Variants in CFB observed in about 807,000 individuals in gnomAD.
CFB encodes B-factor, properdin.
A neutral mutation model predicts 97.2 loss-of-function variants in CFB; 59 were observed. The observed-to-expected ratio is 0.61, with a 90% CI of 0.49 to 0.75. CFB has a LOEUF of 0.75. Among genes scored for constraint, CFB ranks in the 30% least tolerant of loss-of-function variants. The pLI, the probability that CFB is intolerant of heterozygous loss-of-function variation, is 0.00. For synonymous variants in CFB, 316 were observed against 351.7 expected (o/e 0.90, Z 1.14); for missense variants, 771 against 959.8 (o/e 0.80, Z 2.60).
chr6:31,952,029 A>G lies in CFB; in HGVS notation c.2294A>G (p.Ter765=). 1 of 1,612,794 alleles carries G rather than the reference A, an allele frequency of 6.2e-7. No individual in the cohort carries two copies. The highest frequency in any genetic ancestry group is 1.1e-5 in the South Asian group (1 of 91,082). ...KLQDEDLGFL[*] is the part of the protein sequence containing the mutation. Reference sequence around the variant, plus strand: ...CAAGATGAGGATTTGGGTTTTCTATAAGGGGTTTCCTGCTGGACAGGGGCG... The same window carrying G: ...CAAGATGAGGATTTGGGTTTTCTATGAGGGGTTTCCTGCTGGACAGGGGCG... The change falls in exon 18 of 18, where the codon TAA becomes TGA. Residue 765 remains the stop codon, a stop_retained_variant. Transcript: ENST00000425368.
At chr6:31,948,144 C>A in intron 6 of CFB, 63 bp downstream of exon 6, 1 of 1,596,052 alleles carries the variant, frequency 6.3e-7, no homozygotes, top group Non-Finnish European at 8.5e-7. Context: ...AGGACTAGCT[C>A]CCTGATCATT....
In CFB at chr6:31,947,838, G is replaced by A. The variant is rs145082719; in HGVS notation, c.755G>A (p.Gly252Asp). 1.9e-6 allele frequency: 3 copies of A among 1,613,924 alleles called. No homozygotes were observed. In the South Asian group the frequency reaches 3.3e-5, roughly 18 times the overall value. Residue 252 changes from glycine to aspartate, a missense_variant, in exon 5 of 18, where the codon GGC (glycine) becomes GAC (aspartate). By Grantham distance (94) the Gly-to-Asp change is moderately conservative. Coordinates refer to ENST00000425368, the MANE Select transcript of CFB (RefSeq NM_001710.6). This position sits in a 1 kb window ranked among gnomAD's most constrained non-coding sequence, Gnocchi z 5.3. ...IEGVDAEDGH[G>D]PGEQQKRKIV... ...GGAGTCGATGCTGAGGATGGGCACGGCCCAGGTTTGAAGACAGAGAAGGGA... is the reference window on the plus strand; with the variant it reads ...GGAGTCGATGCTGAGGATGGGCACGACCCAGGTTTGAAGACAGAGAAGGGA...
At chr6:31,950,263 CCT>C in intron 11 of CFB, 21 bp from the exon 12 acceptor site, 1 of 1,609,380 alleles carries the variant, frequency 6.2e-7, no homozygotes, top group Non-Finnish European at 8.5e-7. Context: ...TTGAGCTTTC[CCT>C]CTCTACTGTT....
intron 14 of CFB, 38 bp downstream of exon 14, chr6:31,950,982 CAA>C: frequency 5.6e-6 from 9 of 1,607,348 alleles, no homozygotes; most frequent in Non-Finnish European, 7.7e-6. Flanking sequence ...GATGAGATCC[CAA>C]GAGACAAGTG....
At position 31,951,934 on chromosome 6, in the gene CFB, G is replaced by C. The variant is rs749935243; in HGVS notation, c.2199G>C (p.Gln733His). The stretch of plus-strand genomic sequence containing the variant: ...GCAAAAACCAGAAGCGGCAAAAGCA[G>C]GTACCTGCTCACGCCCGAGACTTTC... ...DVCKNQKRQK[Q>H]VPAHARDFHI... is the part of the protein sequence containing the mutation. Residue 733 changes from glutamine to histidine, a missense_variant, in exon 18 of 18, where the codon CAG becomes CAC. Gln to His is a conservative substitution (Grantham distance 24, BLOSUM62 0). Coordinates refer to ENST00000425368, the MANE Select transcript of CFB (RefSeq NM_001710.6). The surrounding 1 kb of genome is among the most constrained non-coding windows in gnomAD (Gnocchi z 4.3). 6.2e-7 allele frequency: 1 copy of C among 1,613,148 alleles called. No homozygotes were observed. Among genetic ancestry groups the C allele is most frequent in the African/African-American group, 1.3e-5 (1 of 75,060 alleles).
At chr6:31,948,589 T>C (rs1739155709) in intron 7 of CFB, 77 bp downstream of exon 7, 10 of 1,599,728 alleles carry the variant, frequency 6.3e-6, no homozygotes, top group Non-Finnish European at 8.5e-6. Flanking sequence ...GAGACTACCT[T>C]GAGGGCGACA....
chr6:31,949,484 G>A lies in CFB; in HGVS notation c.1335G>A (p.Lys445=), dbSNP rs1771624557. The change falls in exon 10 of 18, where the codon AAG becomes AAA. Residue 445 remains lysine, a synonymous_variant. Transcript: ENST00000425368. Reference sequence around the variant, plus strand: ...TGAACATCAATGCTTTGGCTTCCAAGAAAGACAATGAGCAACATGTGTTCA... The same window carrying A: ...TGAACATCAATGCTTTGGCTTCCAAAAAAGACAATGAGCAACATGTGTTCA... ...NQVNINALAS[K]KDNEQHVFKV... is the part of the protein sequence containing the mutation. 6.2e-7 allele frequency: 1 copy of A among 1,614,060 alleles called. No individual in the cohort carries two copies. The highest frequency in any genetic ancestry group is 8.5e-7 in the Non-Finnish European group (1 of 1,180,058).
chr6:31,947,487 T>C lies in CFB; in HGVS notation c.624T>C (p.Gly208=). Residue 208 remains glycine (G), a synonymous_variant, in exon 4 of 18, where the codon GGT becomes GGC. Coordinates refer to ENST00000425368, the MANE Select transcript of CFB (RefSeq NM_001710.6). The surrounding 1 kb of genome is among the most constrained non-coding windows in gnomAD (Gnocchi z 5.3). ...CCCAGCGGCGAACGTGTCAGGAAGG[T>C]GGCTCTTGGAGCGGGACGGAGCCTT... is the stretch of plus-strand genomic sequence containing the variant. ...RGSQRRTCQE[G]GSWSGTEPSC... 1 of 1,612,988 alleles carries C rather than the reference T, an allele frequency of 6.2e-7. No homozygotes were observed. The highest frequency in any genetic ancestry group is 2.2e-5 in the East Asian group (1 of 44,874).
chr6:31,946,988 T>A lies in CFB; in HGVS notation c.299-19T>A. 1 of 1,612,826 alleles carries A rather than the reference T, an allele frequency of 6.2e-7. No individual in the cohort carries two copies. Among genetic ancestry groups the A allele is most frequent in the Non-Finnish European group, 8.5e-7 (1 of 1,179,922 alleles). On this transcript the variant is annotated intron_variant, in intron 2 of 17. Coordinates refer to ENST00000425368, the MANE Select transcript of CFB (RefSeq NM_001710.6). This position sits in a 1 kb window ranked among gnomAD's most constrained non-coding sequence, Gnocchi z 6.4. ...GCCTTTCCCTCTTGATGACTTCTAC[T>A]TGTCCCCCCTTCTCAAAGCAATCCA...
At position 31,948,359 on chromosome 6, in the gene CFB, TCTC is replaced by T. The variant is rs749414878; in HGVS notation, c.898-11_898-9del. The T allele has an allele frequency of 5.0e-6, 8 of 1,614,076 alleles. No homozygotes were observed. Among genetic ancestry groups the T allele is most frequent in the Non-Finnish European group, 6.8e-6 (8 of 1,180,038 alleles). ...TATTTTCAATGCCATGGCGCCTTGT[TCTC>T]CTCACCCACAGGTGGCAAGTTATGG... On this transcript the variant is annotated splice_polypyrimidine_tract_variant and intron_variant, in intron 6 of 17. Coordinates refer to ENST00000425368, the MANE Select transcript of CFB (RefSeq NM_001710.6).
intron 10 of CFB, 122 bp downstream of exon 10, chr6:31,949,679 C>T: frequency 8.5e-7 from 1 of 1,183,362 alleles, no homozygotes; most frequent in Non-Finnish European, 1.2e-6. Context: ...TCCTTCTCTA[C>T]CTCAGTGTCA....
In CFB at chr6:31,946,864, T is replaced by C. The variant is rs1017895166; in HGVS notation, c.299-143T>C. The C allele has an allele frequency of 9.1e-6, 8 of 875,544 alleles. No homozygotes were observed. Among genetic ancestry groups the C allele is most frequent in the Non-Finnish European group, 1.5e-5 (8 of 538,244 alleles). 54.2% of individuals were successfully genotyped at this position (875,544 alleles called of 1,614,324 possible). ...GAGGGAGAAGCAGTGGAAATCCATATGGGTTGAGGAGTAGGTAAGATGCTG... is the reference window on the plus strand; with the variant it reads ...GAGGGAGAAGCAGTGGAAATCCATACGGGTTGAGGAGTAGGTAAGATGCTG... On this transcript the variant is annotated intron_variant, in intron 2 of 17. Transcript: ENST00000425368. The surrounding 1 kb of genome is among the most constrained non-coding windows in gnomAD (Gnocchi z 6.4).
chr6:31,950,366 T>A lies in CFB; in HGVS notation c.1587T>A (p.Thr529=), dbSNP rs1232078667. Residue 529 remains threonine (T), a synonymous_variant, in exon 12 of 18, where the codon ACT becomes ACA. Coordinates refer to ENST00000425368, the MANE Select transcript of CFB (RefSeq NM_001710.6). ...TGCTGACAGCAGCACATTGTTTCACTGTGGATGACAAGGAACACTCAATCA... is the reference window on the plus strand; with the variant it reads ...TGCTGACAGCAGCACATTGTTTCACAGTGGATGACAAGGAACACTCAATCA... ...YFVLTAAHCF[T]VDDKEHSIKV... 1 of 1,612,972 alleles carries A rather than the reference T, an allele frequency of 6.2e-7. No individual in the cohort carries two copies. Among genetic ancestry groups the A allele is most frequent in the African/African-American group, 1.3e-5 (1 of 74,922 alleles).
Position 31,950,089 on chromosome 6 carries a change from A to T in CFB, c.1448A>T (p.Glu483Val). 1.9e-6 allele frequency: 3 copies of T among 1,613,044 alleles called. No individual in the cohort carries two copies. The South Asian group carries it at 3.3e-5, about 18-fold the overall frequency. The change falls in exon 11 of 18, where the codon GAA (glutamate) becomes GTA (valine). Residue 483 changes from glutamate to valine, a missense_variant. Physicochemically the swap from Glu to Val is moderately radical, Grantham distance 121 (BLOSUM62 -2). Transcript: ENST00000425368. Reference sequence around the variant, plus strand: ...CTGAGTCTCTGTGGCATGGTTTGGGAACACAGGAAGGGTACCGATTACCAC... The same window carrying T: ...CTGAGTCTCTGTGGCATGGTTTGGGTACACAGGAAGGGTACCGATTACCAC... ...QSLSLCGMVW[E>V]HRKGTDYHKQ...
Position 31,951,311 on chromosome 6 carries a change from AC to A in CFB, c.1957-29del. On this transcript the variant is annotated intron_variant, in intron 15 of 17. Coordinates refer to ENST00000425368, the MANE Select transcript of CFB (RefSeq NM_001710.6). This position sits in a 1 kb window ranked among gnomAD's most constrained non-coding sequence, Gnocchi z 4.3. ...CCTTCCTAAGCCACTTCTGTTCATT[AC>A]TTCTCCATGCTTCCCACCTCCCCTA... The A allele has an allele frequency of 6.2e-7, 1 of 1,614,004 alleles. No homozygotes were observed. The highest frequency in any genetic ancestry group is 8.5e-7 in the Non-Finnish European group (1 of 1,180,020).
chr6:31,948,494 A>C lies in CFB; in HGVS notation c.1018A>C (p.Asn340His), dbSNP rs1255395158. The change falls in exon 7 of 18, where the codon AAT becomes CAT. Residue 340 changes from asparagine (N) to histidine (H), a missense_variant. Transcript: ENST00000425368. ...SNADWVTKQL[N>H]EINYEDHKLK... The stretch of plus-strand genomic sequence containing the variant: ...TGCAGACTGGGTCACGAAGCAGCTC[A>C]ATGAAATCAATTATGAAGGTCAGAG... The C allele has an allele frequency of 9.3e-6, 15 of 1,614,004 alleles. No homozygotes were observed. Among genetic ancestry groups the C allele is most frequent in the Non-Finnish European group, 1.3e-5 (15 of 1,179,980 alleles).
At chr6:31,949,665 T>C in intron 10 of CFB, 108 bp downstream of exon 10, 1 of 1,325,782 alleles carries the variant, frequency 7.5e-7, no homozygotes, top group Non-Finnish European at 1.1e-6. Context: ...GCCTTCTTCA[T>C]TCCTCCTTCT....
chr6:31,947,731 G>T lies in CFB; in HGVS notation c.659-11G>T, dbSNP rs565844467. ...CTCCCAGACATTTGACCTCATTTCTGACTCTCCCAGACTCCTTCATGTACG... is the reference window on the plus strand; with the variant it reads ...CTCCCAGACATTTGACCTCATTTCTTACTCTCCCAGACTCCTTCATGTACG... On this transcript the variant is annotated splice_polypyrimidine_tract_variant and intron_variant, in intron 4 of 17. Coordinates refer to ENST00000425368, the MANE Select transcript of CFB (RefSeq NM_001710.6). The surrounding 1 kb of genome is among the most constrained non-coding windows in gnomAD (Gnocchi z 5.3). The T allele has an allele frequency of 4.2e-5, 68 of 1,612,730 alleles. 1 individual carries two copies. The East Asian group carries it at 9.1e-4, about 22-fold the overall frequency.
chr6:31,948,502 C>A lies in CFB; in HGVS notation c.1026C>A (p.Ile342=). Residue 342 remains isoleucine (I), a synonymous_variant, in exon 7 of 18, where the codon ATC becomes ATA. Transcript: ENST00000425368. ...GGGTCACGAAGCAGCTCAATGAAAT[C>A]AATTATGAAGGTCAGAGGTTAGGGA... ...ADWVTKQLNE[I]NYEDHKLKSG... is the part of the protein sequence containing the mutation. The A allele has an allele frequency of 1.2e-6, 2 of 1,614,092 alleles. No individual in the cohort carries two copies. The highest frequency in any genetic ancestry group is 1.7e-6 in the Non-Finnish European group (2 of 1,180,026).
Sources: allele counts gnomAD v4.1 joint callset, GRCh38; gene constraint gnomAD v4.1.1; non-coding constraint Gnocchi (gnomAD v3.1); transcripts MANE v1.5; gene names NCBI Gene and HGNC (gene_info 2026-07-23, HGNC 2026-07-21).